ANK2: variants seen among roughly 807,000 people sequenced by gnomAD.
The protein encoded by ANK2 is ankyrin 2.
A neutral mutation model predicts 360.5 loss-of-function variants in ANK2; 83 were observed. The ratio of observed to expected loss-of-function variants is 0.23; its 90% CI spans 0.19 to 0.28. The LOEUF is 0.28. Ranked by LOEUF, ANK2 falls within the 10% of genes least tolerant of loss-of-function variation. ANK2 has a pLI of 1.00. For synonymous variants in ANK2, 1,740 were observed against 1,759.5 expected (o/e 0.99, Z 0.28); for missense variants, 4,201 against 4,795.7 (o/e 0.88, Z 3.66).
intron 1 of ANK2, among the ~76,000 whole-genome samples, chr4:113,158,530 G>A (rs2097386696): frequency 6.6e-6 from 1 of 152,110 alleles, no homozygotes; most frequent in Non-Finnish European, 1.5e-5. Context: ...TCAAAGTGGA[G>A]CATCTCCAGC....
At chr4:112,719,601 G>T in the ANK2 span, among the ~76,000 whole-genome samples, 1 of 151,842 alleles carries the variant, frequency 6.6e-6, no homozygotes, top group Non-Finnish European at 1.5e-5. Context: ...TGTGGTGGGC[G>T]CCTGTAGTCC....
chr4:113,065,349 C>T (rs2075186893), intron 1 of ANK2, among the ~76,000 whole-genome samples: 1 of 152,110 alleles, frequency 6.6e-6, no homozygotes, highest in African/African-American at 2.4e-5. Context: ...TTTGTTATTG[C>T]AAAATCAGTA....
At chr4:112,966,231 A>G (rs1176870211) in intron 2 of ANK2, among the ~76,000 whole-genome samples, 1 of 151,698 alleles carries the variant, frequency 6.6e-6, no homozygotes, top group Non-Finnish European at 1.5e-5. Flanking sequence ...GTTTGATTAA[A>G]TTGATATCTT....
At chr4:112,875,310 G>A (rs538808381) in intron 1 of ANK2, among the ~76,000 whole-genome samples, 15 of 151,990 alleles carry the variant, frequency 9.9e-5, no homozygotes, top group East Asian at 7.8e-4. Flanking sequence ...GCACCACTGC[G>A]CTCCGCCTAA....
Position 113,015,741 on chromosome 4 carries a change from G to A in ANK2, c.21+111227G>A, listed in dbSNP as rs368723964. 9.1e-4 allele frequency among the ~76,000 whole-genome samples: 139 copies of A among 152,216 alleles called. 1 individual carries two copies. Among genetic ancestry groups the A allele is most frequent in the African/African-American group, 3.1e-3 (129 of 41,524 alleles). ...CCTTATAGATTTTGAATTCTCAATT[G>A]TGGTATATTTTGTCTTATCATGTTT... is the stretch of plus-strand genomic sequence containing the variant. On this transcript the variant is annotated intron_variant, in intron 2 of 30. Transcript: ENST00000503271.
intron 1 of ANK2, among the ~76,000 whole-genome samples, chr4:113,141,758 T>C (rs896854392): frequency 5.3e-5 from 8 of 152,210 alleles, no homozygotes; most frequent in African/African-American, 1.9e-4. Flanking sequence ...AGGTGAAATT[T>C]AAAACTGCAG....
At chr4:113,212,225 A>G (rs185267300) in intron 4 of ANK2, among the ~76,000 whole-genome samples, 46 of 152,324 alleles carry the variant, frequency 3.0e-4, no homozygotes, top group Middle Eastern at 6.8e-3. Flanking sequence ...AATCTGTATT[A>G]TATCTTATTT....
chr4:112,784,350 ATTT>A, the ANK2 span, among the ~76,000 whole-genome samples: 4 of 69,552 alleles, frequency 5.8e-5, no homozygotes, highest in Admixed American at 4.3e-4. Flanking sequence ...ACCCTGACTG[ATTT>A]TTTTTTTTTT....
Position 113,357,348 on chromosome 4 carries a change from G to A in ANK2, c.8730G>A (p.Val2910=), listed in dbSNP as rs757908653. ...ATAGATTTTCCATGGATGTTCCCGT[G>A]TCTGACCTAGCTGAGAATGATGAAA... The part of the protein sequence containing the change: ...QTDRFSMDVP[V]SDLAENDEIY... Residue 2910 remains valine (V), a synonymous_variant, in exon 38 of 46, where the codon GTG becomes GTA. Coordinates refer to ENST00000357077, the MANE Select transcript of ANK2 (RefSeq NM_001148.6). 1.9e-6 allele frequency: 3 copies of A among 1,613,912 alleles called. No homozygotes were observed. Among genetic ancestry groups the A allele is most frequent in the Non-Finnish European group, 2.5e-6 (3 of 1,179,982 alleles).
chr4:112,873,838 G>A (rs1472540367), intron 1 of ANK2, among the ~76,000 whole-genome samples: 2 of 151,818 alleles, frequency 1.3e-5, no homozygotes, highest in African/African-American at 4.8e-5. Context: ...CACCATGCCC[G>A]GCCCCTGTTA....
At chr4:113,270,547 A>C (rs1211251789) in intron 14 of ANK2, among the ~76,000 whole-genome samples, 1 of 152,124 alleles carries the variant, frequency 6.6e-6, no homozygotes, top group Non-Finnish European at 1.5e-5. Flanking sequence ...TTCTAATTTA[A>C]ATATCAAATT....
At chr4:113,361,759 G>A (rs143310433) in intron 39 of ANK2, among the ~76,000 whole-genome samples, 95 of 151,608 alleles carry the variant, frequency 6.3e-4, no homozygotes, top group African/African-American at 2.1e-3. Flanking sequence ...TAACTAATTC[G>A]GGGTTTTAGG....
intron 1 of ANK2, among the ~76,000 whole-genome samples, chr4:113,144,766 T>A (rs1582947119): frequency 6.8e-6 from 1 of 147,624 alleles, no homozygotes; most frequent in African/African-American, 2.4e-5. Context: ...ATATGGTTTT[T>A]AAACTATATA....
intron 4 of ANK2, among the ~76,000 whole-genome samples, chr4:113,204,096 T>C (rs1029596315): frequency 6.6e-6 from 1 of 152,124 alleles, no homozygotes; most frequent in African/African-American, 2.4e-5. Flanking sequence ...AAAATATAAT[T>C]TTTAGTTCTC....
chr4:112,871,188 GTT>G (rs759506409), intron 1 of ANK2, among the ~76,000 whole-genome samples: 1 of 144,700 alleles, frequency 6.9e-6, no homozygotes, highest in Non-Finnish European at 1.5e-5. Context: ...TTAGCTTTTA[GTT>G]TTTTTTTTTT....
At chr4:112,936,010 A>T (rs1438913952) in intron 2 of ANK2, among the ~76,000 whole-genome samples, 1 of 152,224 alleles carries the variant, frequency 6.6e-6, no homozygotes. Flanking sequence ...AAAGAAAGCT[A>T]ATCTTTCCTG....
At position 112,909,021 on chromosome 4, in the gene ANK2, A is replaced by G. The variant is rs1180298635; in HGVS notation, c.21+4507A>G. 3.3e-5 allele frequency among the ~76,000 whole-genome samples: 5 copies of G among 152,344 alleles called. No homozygotes were observed. The East Asian group carries it at 9.6e-4, about 29-fold the overall frequency. ...ATTTTGTCTCAAGTTTTTAAAAGTTATTTTCAAGGCCTAGGAGGACCACTG... is the reference window on the plus strand; with the variant it reads ...ATTTTGTCTCAAGTTTTTAAAAGTTGTTTTCAAGGCCTAGGAGGACCACTG... On this transcript the variant is annotated intron_variant, in intron 2 of 30. Transcript: ENST00000503271.
the ANK2 span, among the ~76,000 whole-genome samples, chr4:112,747,097 G>A: frequency 2.6e-5 from 4 of 152,294 alleles, no homozygotes; most frequent in African/African-American, 9.6e-5. Flanking sequence ...TATCTCTTAA[G>A]GTTGAGGAAT....
chr4:113,069,865 G>A (rs2076937286), intron 1 of ANK2: 2 of 152,146 alleles, frequency 1.3e-5, no homozygotes, highest in Admixed American at 1.3e-4. Flanking sequence ...TATTCTTCAT[G>A]CTTGACTCTA....
Sources: gnomAD v4.1 joint callset for allele counts (sites outside exome capture counted in the v4.1 genomes callset) on GRCh38, gnomAD v4.1.1 for gene constraint, MANE v1.5 for transcripts, NCBI Gene and HGNC (gene_info 2026-07-23, HGNC 2026-07-21) for gene names.